Variants in TTBK2 observed in about 807,000 individuals in gnomAD.
TTBK2 encodes tau-tubulin kinase 2.
Under a neutral mutation model 110.8 loss-of-function variants are expected in TTBK2, and 28 were observed. The observed-to-expected ratio is 0.25, with a 90% CI of 0.19 to 0.35. The LOEUF (loss-of-function observed/expected upper bound fraction) is 0.35. TTBK2 is among the 10% of genes least tolerant of loss of function. The probability of loss-of-function intolerance (pLI) is 1.00; values close to 1 mark genes in which losing one functional copy is unlikely to be tolerated. For synonymous variants in TTBK2, 532 were observed against 527.3 expected (o/e 1.01, Z -0.12); for missense variants, 1,369 against 1,500.3 (o/e 0.91, Z 1.45).
At position 42,762,581 on chromosome 15, in the gene TTBK2, G is replaced by C. The variant is rs2062045201; in HGVS notation, c.1999-9334C>G. Among the ~76,000 whole-genome samples, 10 of 152,268 alleles carry C rather than the reference G, an allele frequency of 6.6e-5. No individual in the cohort carries two copies. In the South Asian group the frequency reaches 2.1e-3, roughly 32 times the overall value. On this transcript the variant is annotated intron_variant, in intron 13 of 14. Transcript: ENST00000267890. ...AAAATACAAAAATTAGCCAGGCATG[G>C]TGGCATGTGCCTGTAGTCCCAGCTA...
chr15:42,763,349 GA>G (rs1567009233), intron 13 of TTBK2, among the ~76,000 whole-genome samples: 1 of 147,800 alleles, frequency 6.8e-6, no homozygotes, highest in African/African-American at 2.5e-5. Context: ...AAGTAGCTGG[GA>G]TTACAAGCAT....
chr15:42,775,190 A>ATAAACTGAC lies in TTBK2; in HGVS notation c.1934_1942dup (p.Ser645_Phe647dup). On this transcript the variant is annotated inframe_insertion, in exon 13 of 15. Transcript: ENST00000267890. Reference sequence around the variant, plus strand: ...CATTAGACTTGTGGGCGTCGCTGCAATAAACTGACTAGCAGCTCCAGGCTG... The same window carrying ATAAACTGAC: ...CATTAGACTTGTGGGCGTCGCTGCAATAAACTGACTAAACTGACTAGCAGCTCCAGGCTG... The ATAAACTGAC allele has an allele frequency of 6.2e-7, 1 of 1,614,214 alleles. No homozygotes were observed. The highest frequency in any genetic ancestry group is 8.5e-7 in the Non-Finnish European group (1 of 1,180,032).
chr15:42,806,527 T>G (rs1008095742), intron 9 of TTBK2, among the ~76,000 whole-genome samples: 2 of 152,174 alleles, frequency 1.3e-5, no homozygotes, highest in Non-Finnish European at 2.9e-5. Context: ...ATTATCTGGT[T>G]TCTGACTCTT....
chr15:42,866,440 A>G (rs763440967), intron 3 of TTBK2, among the ~76,000 whole-genome samples: 1 of 152,226 alleles, frequency 6.6e-6, no homozygotes, highest in Non-Finnish European at 1.5e-5. Flanking sequence ...TAGAACTGTA[A>G]GGAGAAAGAT....
intron 1 of TTBK2, among the ~76,000 whole-genome samples, chr15:42,903,676 A>G (rs573633925): frequency 6.6e-6 from 1 of 152,218 alleles, no homozygotes; most frequent in Non-Finnish European, 1.5e-5. Context: ...GGTTTGGCTG[A>G]CTGCTTCTAA....
intron 10 of TTBK2, among the ~76,000 whole-genome samples, chr15:42,786,628 A>G (rs1890425530): frequency 6.6e-6 from 1 of 152,018 alleles, no homozygotes; most frequent in Non-Finnish European, 1.5e-5. Context: ...ATCTCTGAAT[A>G]CACTTCTACT....
intron 3 of TTBK2, among the ~76,000 whole-genome samples, chr15:42,852,380 T>C (rs1041809194): frequency 1.3e-5 from 2 of 152,204 alleles, no homozygotes; most frequent in Admixed American, 6.5e-5. Flanking sequence ...TTACCAACTA[T>C]GTATACATTA....
At chr15:42,912,515 T>C (rs890850896) in intron 1 of TTBK2, among the ~76,000 whole-genome samples, 2 of 151,610 alleles carry the variant, frequency 1.3e-5, no homozygotes, top group African/African-American at 4.8e-5. Flanking sequence ...TCAAGACCAG[T>C]CTGGCCAACA....
intron 13 of TTBK2, among the ~76,000 whole-genome samples, chr15:42,762,024 A>C (rs2062035693): frequency 6.6e-6 from 1 of 152,180 alleles, no homozygotes; most frequent in African/African-American, 2.4e-5. Context: ...GTTTTCCTGC[A>C]CAAGCTCTCT....
intron 11 of TTBK2, among the ~76,000 whole-genome samples, chr15:42,781,863 G>C (rs1306171432): frequency 6.6e-6 from 1 of 152,124 alleles, no homozygotes; most frequent in Non-Finnish European, 1.5e-5. Flanking sequence ...CATAAATATA[G>C]AAGGAATATG....
intron 3 of TTBK2, among the ~76,000 whole-genome samples, chr15:42,856,569 G>A (rs1893952909): frequency 6.6e-6 from 1 of 152,132 alleles, no homozygotes; most frequent in Non-Finnish European, 1.5e-5. Context: ...TAAAATAACG[G>A]TTAATTTTGT....
At chr15:42,902,845 G>A (rs2141193617) in intron 1 of TTBK2, among the ~76,000 whole-genome samples, 1 of 152,126 alleles carries the variant, frequency 6.6e-6, no homozygotes, top group East Asian at 1.9e-4. Context: ...ACAAATATTA[G>A]CAAGGCATGG....
intron 3 of TTBK2, among the ~76,000 whole-genome samples, chr15:42,854,090 T>G (rs1285488800): frequency 1.3e-5 from 2 of 152,028 alleles, no homozygotes; most frequent in Non-Finnish European, 2.9e-5. Context: ...CGCACATGAT[T>G]ACAGCTGGCT....
intron 10 of TTBK2, among the ~76,000 whole-genome samples, chr15:42,786,126 AAAG>A (rs1463736469): frequency 1.8e-5 from 1 of 55,654 alleles, no homozygotes; most frequent in Admixed American, 1.4e-4. Context: ...CCCCGAAAAA[AAAG>A]AAAGAAAAAA....
intron 3 of TTBK2, among the ~76,000 whole-genome samples, chr15:42,864,947 G>A (rs1894307874): frequency 2.0e-5 from 3 of 152,090 alleles, no homozygotes; most frequent in Non-Finnish European, 4.4e-5. Context: ...ACATGCTTAT[G>A]TATGCTGAAT....
intron 3 of TTBK2, among the ~76,000 whole-genome samples, chr15:42,865,170 C>T (rs574673804): frequency 8.5e-5 from 13 of 152,082 alleles, no homozygotes; most frequent in African/African-American, 2.9e-4. Flanking sequence ...GAGAGAAGGC[C>T]AGGCACAGTG....
intron 14 of TTBK2, among the ~76,000 whole-genome samples, chr15:42,750,358 G>A (rs552912385): frequency 2.6e-5 from 4 of 151,722 alleles, no homozygotes; most frequent in Non-Finnish European, 5.9e-5. Flanking sequence ...AGAAAGACAC[G>A]GAGAAAGTCA....
intron 14 of TTBK2, among the ~76,000 whole-genome samples, chr15:42,746,889 T>C (rs959746314): frequency 1.3e-5 from 2 of 151,814 alleles, no homozygotes; most frequent in Non-Finnish European, 2.9e-5. Flanking sequence ...TTCCTGTCAA[T>C]AGTCTGGGAT....
In TTBK2 at chr15:42,815,958, A is replaced by AATATATATATAT. The variant is rs1555427628; in HGVS notation, c.603+1062_603+1073dup. 4.4e-3 allele frequency among the ~76,000 whole-genome samples: 403 copies of AATATATATATAT among 91,650 alleles called. 14 individuals are homozygous for AATATATATATAT. Among genetic ancestry groups the AATATATATATAT allele is most frequent in the African/African-American group, 0.013 (211 of 16,118 alleles). The allele number at this position is 91,650 out of a possible 152,430, so 60.1% of individuals were successfully genotyped here. A position where few individuals can be genotyped will look rare whatever the true frequency, so the allele number is the denominator to read the frequency against. ...TATATATATATATATTTAAAAAAAA[A>AATATATATATAT]ATATATATATATATATATATTTGAG... On this transcript the variant is annotated intron_variant, in intron 7 of 14. Coordinates refer to ENST00000267890, the MANE Select transcript of TTBK2 (RefSeq NM_173500.4).
Sources: gnomAD v4.1 joint callset for allele counts (sites outside exome capture counted in the v4.1 genomes callset) on GRCh38, gnomAD v4.1.1 for gene constraint, MANE v1.5 for transcripts, NCBI Gene and HGNC (gene_info 2026-07-23, HGNC 2026-07-21) for gene names.